Variants in PDZD2 observed in about 807,000 individuals in gnomAD.
PDZD2 encodes PDZ domain containing 2, also known as PDZ domain-containing protein 2.
Under a neutral mutation model 220.7 loss-of-function variants are expected in PDZD2, and 90 were observed. The ratio of observed to expected loss-of-function variants is 0.41; its 90% CI spans 0.34 to 0.49. The LOEUF is 0.49. Ranked by LOEUF, PDZD2 falls within the 20% of genes least tolerant of loss-of-function variation. The pLI is 0.28. For synonymous variants in PDZD2, 1,375 were observed against 1,450.5 expected, an observed-to-expected ratio of 0.95 and a Z score of 1.18; for missense variants, 3,174 against 3,608.5, an observed-to-expected ratio of 0.88 and a Z score of 3.08.
At chr5:31,934,277 T>G (rs2150395286) in intron 2 of PDZD2, among the ~76,000 whole-genome samples, 1 of 152,264 alleles carries the variant, frequency 6.6e-6, no homozygotes, top group South Asian at 2.1e-4. Context: ...AGTCCACGCT[T>G]TCCTGAACTA....
intron 2 of PDZD2, among the ~76,000 whole-genome samples, chr5:31,894,991 C>T (rs979531403): frequency 2.0e-4 from 30 of 152,222 alleles, no homozygotes; most frequent in Admixed American, 3.3e-4. Flanking sequence ...CTGGGTTCAG[C>T]TGATTGTTCT....
chr5:31,908,636 A>C, intron 2 of PDZD2: 1 of 731,596 alleles, frequency 1.4e-6, no homozygotes, highest in Non-Finnish European at 2.2e-6. Flanking sequence ...ATCAAAGGTT[A>C]CGTGATATCA....
chr5:31,897,760 G>A (rs914794994), intron 2 of PDZD2, among the ~76,000 whole-genome samples: 8 of 148,430 alleles, frequency 5.4e-5, no homozygotes, highest in African/African-American at 1.7e-4. Flanking sequence ...TTTTTGAGAC[G>A]GAGTCTGTCT....
At chr5:31,920,394 C>G (rs909464074) in intron 2 of PDZD2, among the ~76,000 whole-genome samples, 4 of 107,874 alleles carry the variant, frequency 3.7e-5, no homozygotes, top group Non-Finnish European at 8.2e-5. Flanking sequence ...ATCAACGCCC[C>G]CCCCCCCCAC....
In PDZD2 at chr5:32,097,338, C is replaced by T; in HGVS notation, c.7905C>T (p.Phe2635=). The change falls in exon 22 of 25, where the codon TTC becomes TTT. Residue 2635 remains phenylalanine (F), a synonymous_variant. Coordinates refer to ENST00000438447, the MANE Select transcript of PDZD2 (RefSeq NM_178140.4). ...LNRKEGSGLG[F]SVAGGTDVEP... ...GAAAAGAAGGCTCAGGTCTGGGATT[C>T]AGTGTGGCAGGAGGGACAGATGTGG... 6.2e-7 allele frequency: 1 copy of T among 1,613,170 alleles called. No homozygotes were observed. Among genetic ancestry groups the T allele is most frequent in the Non-Finnish European group, 8.5e-7 (1 of 1,179,114 alleles).
chr5:31,647,143 C>T (rs1343667533), intron 1 of PDZD2, among the ~76,000 whole-genome samples: 1 of 152,172 alleles, frequency 6.6e-6, no homozygotes, highest in Non-Finnish European at 1.5e-5. Flanking sequence ...GCTTCCCAGG[C>T]TCCGTCTTTA....
chr5:31,806,940 T>G (rs921210972), intron 2 of PDZD2, among the ~76,000 whole-genome samples: 5 of 151,186 alleles, frequency 3.3e-5, no homozygotes, highest in South Asian at 2.1e-4. Context: ...TGTTTTTTTT[T>G]TTTTTTTTTT....
At chr5:31,851,038 G>A (rs1380780551) in intron 2 of PDZD2, among the ~76,000 whole-genome samples, 1 of 152,036 alleles carries the variant, frequency 6.6e-6, no homozygotes, top group African/African-American at 2.4e-5. Flanking sequence ...CCTTCAAGTA[G>A]GAAAAGGCTG....
At chr5:31,929,939 C>T (rs1320155098) in intron 2 of PDZD2, among the ~76,000 whole-genome samples, 3 of 152,104 alleles carry the variant, frequency 2.0e-5, no homozygotes, top group African/African-American at 7.2e-5. Flanking sequence ...AGCTCCAACC[C>T]TTTGGTGATA....
intron 2 of PDZD2, among the ~76,000 whole-genome samples, chr5:31,875,722 C>T (rs1739246570): frequency 6.7e-6 from 1 of 149,906 alleles, no homozygotes. Flanking sequence ...TATATACACA[C>T]ACCCCAAATC....
intron 1 of PDZD2, among the ~76,000 whole-genome samples, chr5:31,684,245 T>C (rs1157037177): frequency 1.3e-5 from 2 of 152,236 alleles, no homozygotes; most frequent in African/African-American, 4.8e-5. Flanking sequence ...GATATGACAG[T>C]AGAGTCCTTG....
Position 31,640,089 on chromosome 5 carries a change from C to A in PDZD2, c.-361+652C>A, listed in dbSNP as rs75187849. Among the ~76,000 whole-genome samples the A allele has an allele frequency of 9.9e-3, 1,505 of 152,166 alleles. 26 individuals are homozygous for A. Among genetic ancestry groups the A allele is most frequent in the African/African-American group, 0.034 (1,416 of 41,522 alleles). ...CTGGTTTCTCCCTCCCTCTGTTCCT[C>A]TCTCCCTCCCTCGGGTTTGCGTTTG... On this transcript the variant is annotated intron_variant, in intron 1 of 24. Transcript: ENST00000438447.
intron 1 of PDZD2, among the ~76,000 whole-genome samples, chr5:31,650,575 A>T (rs923391111): frequency 2.6e-5 from 4 of 152,136 alleles, no homozygotes; most frequent in Non-Finnish European, 4.4e-5. Flanking sequence ...TTGGCCTGGG[A>T]CTTAATCTTG....
intron 1 of PDZD2, among the ~76,000 whole-genome samples, chr5:31,663,854 G>GGTGTGT (rs376879069): frequency 6.7e-6 from 1 of 149,740 alleles, no homozygotes; most frequent in Admixed American, 6.7e-5. Context: ...GGAAGTTTAG[G>GGTGTGT]GTGTGTGTGT....
At chr5:32,018,160 G>A (rs1018200970) in intron 6 of PDZD2, among the ~76,000 whole-genome samples, 5 of 152,224 alleles carry the variant, frequency 3.3e-5, no homozygotes, top group Non-Finnish European at 5.9e-5. Context: ...ATGAATGGGC[G>A]CAGGGAGCTT....
Position 32,089,023 on chromosome 5 carries a change from G to C in PDZD2, c.5575G>C (p.Glu1859Gln). 1 of 1,613,912 alleles carries C rather than the reference G, an allele frequency of 6.2e-7. No homozygotes were observed. Residue 1859 changes from glutamate (E) to glutamine (Q), a missense_variant, in exon 20 of 25, where the codon GAA becomes CAA. Coordinates refer to ENST00000438447, the MANE Select transcript of PDZD2 (RefSeq NM_178140.4). ...HSPPQPKTNL[E>Q]NKDLSKKSPA... Reference sequence around the variant, plus strand: ...CCCTCCTCAGCCGAAAACAAACCTGGAAAATAAGGACCTGTCTAAGAAGAG... The same window carrying C: ...CCCTCCTCAGCCGAAAACAAACCTGCAAAATAAGGACCTGTCTAAGAAGAG...
intron 2 of PDZD2, among the ~76,000 whole-genome samples, chr5:31,912,942 C>T (rs571733656): frequency 1.4e-5 from 2 of 141,366 alleles, no homozygotes; most frequent in East Asian, 3.9e-4. Context: ...AAAAGTTTAG[C>T]GTCTTTTTTT....
At chr5:31,848,073 T>C (rs531230569) in intron 2 of PDZD2, 3 of 350,502 alleles carry the variant, frequency 8.6e-6, no homozygotes, top group East Asian at 1.3e-4. Context: ...TATCCCAAAA[T>C]GTCCCTTGCC....
At chr5:31,741,056 A>G (rs1269328434) in intron 1 of PDZD2, among the ~76,000 whole-genome samples, 1 of 152,174 alleles carries the variant, frequency 6.6e-6, no homozygotes, top group Non-Finnish European at 1.5e-5. Flanking sequence ...ATGCTAGTAG[A>G]AGTCTATTTG....
Sources: allele counts gnomAD v4.1 joint callset (sites outside exome capture counted in the v4.1 genomes callset), GRCh38; gene constraint gnomAD v4.1.1; transcripts MANE v1.5; gene names NCBI Gene and HGNC (gene_info 2026-07-23, HGNC 2026-07-21).